The following LRRK1 variants were observed in gnomAD, a reference collection of about 807,000 sequenced individuals.
LRRK1 encodes the protein leucine-rich repeat serine/threonine-protein kinase 1.
In LRRK1, 113 loss-of-function variants were observed where a neutral mutation model predicts 209.1. The ratio of observed to expected loss-of-function variants is 0.54; its 90% CI spans 0.46 to 0.63. The LOEUF is 0.63. Among genes scored for constraint, LRRK1 ranks in the 30% least tolerant of loss-of-function variants. The probability of loss-of-function intolerance (pLI) is 0.00; values close to 1 mark genes in which losing one functional copy is unlikely to be tolerated. For synonymous variants in LRRK1, 1,144 were observed against 1,099.7 expected (o/e 1.04, Z -0.80); for missense variants, 2,284 against 2,632.2 (o/e 0.87, Z 2.89).
intron 6 of LRRK1, among the ~76,000 whole-genome samples, chr15:101,000,045 T>C (rs1192318389): frequency 6.6e-6 from 1 of 152,254 alleles, no homozygotes; most frequent in Admixed American, 6.5e-5. Context: ...AGACATGCTA[T>C]TGTCAAAACT....
intron 2 of LRRK1, among the ~76,000 whole-genome samples, chr15:100,929,335 A>G (rs2042168881): frequency 6.6e-6 from 1 of 151,982 alleles, no homozygotes; most frequent in African/African-American, 2.4e-5. Context: ...ACAGTCACAC[A>G]CCTCTCAGAG....
intron 2 of LRRK1, among the ~76,000 whole-genome samples, chr15:100,954,506 C>A (rs1266874906): frequency 6.6e-6 from 1 of 151,988 alleles, no homozygotes; most frequent in Non-Finnish European, 1.5e-5. Flanking sequence ...TTGATGTAAT[C>A]CCATTTGTTT....
At chr15:100,953,921 G>C (rs915726545) in intron 2 of LRRK1, among the ~76,000 whole-genome samples, 2 of 151,816 alleles carry the variant, frequency 1.3e-5, no homozygotes, top group African/African-American at 4.8e-5. Context: ...TTGTTTTGTT[G>C]TTGTTGTTGT....
chr15:101,008,787 G>A, intron 6 of LRRK1, 50 bp from the exon 7 acceptor site: 1 of 1,383,802 alleles, frequency 7.2e-7, no homozygotes, highest in Non-Finnish European at 1.0e-6. Context: ...AGCCCATGTG[G>A]GCCCTGAACT....
At chr15:101,057,854 C>T in intron 28 of LRRK1, 136 bp from the exon 29 acceptor site, 6 of 974,852 alleles carry the variant, frequency 6.2e-6, no homozygotes, top group Non-Finnish European at 9.3e-6. Context: ...CTGTTTCAGC[C>T]TCTTGTTTGG....
intron 2 of LRRK1, among the ~76,000 whole-genome samples, chr15:100,947,376 C>T (rs1196490115): frequency 1.3e-5 from 2 of 152,048 alleles, no homozygotes; most frequent in African/African-American, 4.8e-5. Flanking sequence ...GAAAGAAATG[C>T]AAATGAAAAC....
chr15:100,969,519 T>C (rs2030719746), intron 2 of LRRK1, among the ~76,000 whole-genome samples: 1 of 152,072 alleles, frequency 6.6e-6, no homozygotes, highest in Non-Finnish European at 1.5e-5. Flanking sequence ...AGTTCAGGGG[T>C]ACATGAGCAG....
intron 2 of LRRK1, among the ~76,000 whole-genome samples, chr15:100,962,823 A>ATATATATATTTTTTTTT: frequency 8.7e-5 from 1 of 11,544 alleles, no homozygotes; most frequent in African/African-American, 2.5e-4. Context: ...ATATATATAT[A>ATATATATATTTTTTTTT]TTTTTTTTTT....
chr15:101,032,933 G>T (rs1199337681), intron 20 of LRRK1, among the ~76,000 whole-genome samples: 1 of 152,122 alleles, frequency 6.6e-6, no homozygotes, highest in Non-Finnish European at 1.5e-5. Context: ...TGAGCGTTTT[G>T]TATTAGTTTC....
In LRRK1 at chr15:101,042,271, T is replaced by G. The variant is rs558845990; in HGVS notation, c.2964-3710T>G. ...GAAAATGTCTTTATTAACACTCTAA[T>G]TTTTTGCTGGATAATTTTCTTCGAT... On this transcript the variant is annotated intron_variant, in intron 20 of 33. Transcript: ENST00000388948. Among the ~76,000 whole-genome samples, 283 of 152,282 alleles carry G rather than the reference T, an allele frequency of 1.9e-3. 1 individual carries two copies. The highest frequency in any genetic ancestry group is 2.6e-3 in the Non-Finnish European group (174 of 68,020).
At chr15:101,057,168 C>T (rs2141144813) in intron 28 of LRRK1, 118 bp downstream of exon 28, 3 of 791,380 alleles carry the variant, frequency 3.8e-6, no homozygotes, top group Non-Finnish European at 5.9e-6. Flanking sequence ...CTTCTCTGCT[C>T]ATTTCTTCTA....
chr15:100,988,970 G>T (rs1320633175), intron 5 of LRRK1, among the ~76,000 whole-genome samples, 157 bp downstream of exon 5: 1 of 152,234 alleles, frequency 6.6e-6, no homozygotes, highest in African/African-American at 2.4e-5. Context: ...CAAAATATCT[G>T]CACCCTTCCT....
At position 101,021,859 on chromosome 15, in the gene LRRK1, G is replaced by C. The variant is rs538821865; in HGVS notation, c.1754G>C (p.Arg585Pro). The change falls in exon 14 of 34, where the codon CGG becomes CCG. Residue 585 changes from arginine to proline, a missense_variant. Physicochemically the swap from Arg to Pro is moderately radical, Grantham distance 103. Coordinates refer to ENST00000388948, the MANE Select transcript of LRRK1 (RefSeq NM_024652.6). The part of the protein sequence containing the change: ...ELYLGNNPGL[R>P]ELPPELGQLG... ...TCTGTCTTCAGCAACCCTGGCCTCC[G>C]GGAGCTCCCTCCTGAGCTGGGGCAG... The C allele has an allele frequency of 2.5e-6, 4 of 1,613,174 alleles. No individual in the cohort carries two copies. The highest frequency in any genetic ancestry group is 3.4e-6 in the Non-Finnish European group (4 of 1,179,542).
At chr15:101,058,996 G>A (rs893939255) in intron 29 of LRRK1, among the ~76,000 whole-genome samples, 10 of 152,122 alleles carry the variant, frequency 6.6e-5, no homozygotes, top group African/African-American at 2.2e-4. Context: ...AACAGACTTC[G>A]CAGTTTCTCT....
chr15:100,972,359 AGAGAGTGTGTGTGTGTGTGTGT>A (rs2030964629), intron 2 of LRRK1, among the ~76,000 whole-genome samples: 5 of 86,990 alleles, frequency 5.7e-5, no homozygotes, highest in East Asian at 1.1e-3. Flanking sequence ...AGAGAGAGAG[AGAGAGTGTGTGTGTGTGTGTGT>A]GTGTGTGTGT....
rs1398116538 is a variant in LRRK1, at chr15:101,070,354, C to G, written c.*1506C>G. On this transcript the variant is annotated 3_prime_UTR_variant, in exon 34 of 34. Coordinates refer to ENST00000388948, the MANE Select transcript of LRRK1 (RefSeq NM_024652.6). ...TTTTTTACCAACCTGGGCACCAAGTCCCAGGGGGCTGAGGGTCTGTGCTTC... is the reference window on the plus strand; with the variant it reads ...TTTTTTACCAACCTGGGCACCAAGTGCCAGGGGGCTGAGGGTCTGTGCTTC... 2 of 142,546 alleles carry G rather than the reference C, an allele frequency of 1.4e-5. No homozygotes were observed. The highest frequency in any genetic ancestry group is 1.5e-4 in the Admixed American group (2 of 13,668). 8.8% of individuals were successfully genotyped at this position (142,546 alleles called of 1,614,324 possible).
intron 21 of LRRK1, among the ~76,000 whole-genome samples, chr15:101,047,126 A>G (rs72766847): frequency 0.1 from 15,297 of 152,288 alleles, 1,441 homozygotes; most frequent in East Asian, 0.48. Flanking sequence ...AATCCTTGAC[A>G]TTAAACTCCG....
At chr15:100,944,073 G>C (rs920452315) in intron 2 of LRRK1, among the ~76,000 whole-genome samples, 3 of 152,160 alleles carry the variant, frequency 2.0e-5, no homozygotes, top group Non-Finnish European at 4.4e-5. Context: ...CTGTTAGTGA[G>C]GTTTGGGTGG....
chr15:101,063,478 G>C (rs557685328), intron 31 of LRRK1, among the ~76,000 whole-genome samples: 9 of 152,328 alleles, frequency 5.9e-5, no homozygotes, highest in African/African-American at 1.9e-4. Context: ...GCCCCTCAGT[G>C]GGGGGCAGCT....
Sources: gnomAD v4.1 joint callset for allele counts (sites outside exome capture counted in the v4.1 genomes callset) on GRCh38, gnomAD v4.1.1 for gene constraint, MANE v1.5 for transcripts, NCBI Gene and HGNC (gene_info 2026-07-23, HGNC 2026-07-21) for gene names.